VLDLR: variants seen among roughly 807,000 people sequenced by gnomAD.
The protein encoded by VLDLR is very low density lipoprotein receptor, also known as very low-density lipoprotein receptor.
VLDLR carries 81 observed loss-of-function variants against 112.7 expected under a neutral mutation model. The observed-to-expected ratio is 0.72, with a 90% CI of 0.60 to 0.86. The LOEUF (loss-of-function observed/expected upper bound fraction) is 0.86. VLDLR is among the 40% of genes least tolerant of loss of function. VLDLR has a pLI of 0.00. For missense variants in VLDLR, 1,237 were observed against 1,099.4 expected (o/e 1.13, Z -1.77); for synonymous variants, 436 against 384.8 (o/e 1.13, Z -1.56).
chr9:2,637,701 G>C (rs1002479109), intron 2 of VLDLR, among the ~76,000 whole-genome samples: 3 of 152,148 alleles, frequency 2.0e-5, no homozygotes, highest in African/African-American at 7.2e-5. Context: ...CAGCACTTTG[G>C]GCGGCCTAGG....
intron 1 of VLDLR, among the ~76,000 whole-genome samples, chr9:2,624,179 A>G (rs1202118666): frequency 6.6e-6 from 1 of 152,228 alleles, no homozygotes; most frequent in Non-Finnish European, 1.5e-5. Flanking sequence ...ACTTTGTCAC[A>G]TGTGAAATAT....
intron 13 of VLDLR, 135 bp downstream of exon 13, chr9:2,648,482 C>T (rs1386378241): frequency 7.3e-6 from 11 of 1,516,748 alleles, no homozygotes; most frequent in Non-Finnish European, 1.0e-5. Context: ...AAACCTGGTA[C>T]AAATCAGACA....
At position 2,654,712 on chromosome 9, in the gene VLDLR, T is replaced by G. The variant is rs1030201792; in HGVS notation, c.*844T>G. ...CTTAGTCTGTACCTAGAATTCCTCT[T>G]GGTTAGAGGAGTGAGTTTCTTTTTT... On this transcript the variant is annotated 3_prime_UTR_variant, in exon 19 of 19. Coordinates refer to ENST00000382100, the MANE Select transcript of VLDLR (RefSeq NM_003383.5). 1 of 151,586 alleles carries G rather than the reference T, an allele frequency of 6.6e-6. No individual in the cohort carries two copies. The allele number at this position is 151,586 out of a possible 1,614,324, so 9.4% of individuals were successfully genotyped here.
chr9:2,648,553 C>T, intron 13 of VLDLR, 116 bp from the exon 14 acceptor site: 2 of 1,554,660 alleles, frequency 1.3e-6, no homozygotes, highest in Non-Finnish European at 1.8e-6. Flanking sequence ...TATCCAGTGT[C>T]CCAGTTCAGC....
chr9:2,624,256 G>A (rs1469497801), intron 1 of VLDLR, among the ~76,000 whole-genome samples: 1 of 152,206 alleles, frequency 6.6e-6, no homozygotes, highest in African/African-American at 2.4e-5. Context: ...TTCCAGAACT[G>A]GAGGAAATTT....
Position 2,648,759 on chromosome 9 carries a change from C to T in VLDLR, c.2053C>T (p.Leu685=), listed in dbSNP as rs1382251366. 6.2e-7 allele frequency: 1 copy of T among 1,614,156 alleles called. No homozygotes were observed. Among genetic ancestry groups the T allele is most frequent in the African/African-American group, 1.3e-5 (1 of 75,030 alleles). Residue 685 remains leucine (L), a synonymous_variant, in exon 14 of 19, where the codon CTG becomes TTG. Coordinates refer to ENST00000382100, the MANE Select transcript of VLDLR (RefSeq NM_003383.5). ...AGAGCTAGCCACTCTAGTCAACAACCTGAATGATGCCCAAGACATCATTGT... is the reference window on the plus strand; with the variant it reads ...AGAGCTAGCCACTCTAGTCAACAACTTGAATGATGCCCAAGACATCATTGT... ...GSELATLVNN[L]NDAQDIIVYH...
chr9:2,633,023 T>A (rs1397189226), intron 1 of VLDLR, among the ~76,000 whole-genome samples: 1 of 144,324 alleles, frequency 6.9e-6, no homozygotes, highest in Non-Finnish European at 1.5e-5. Flanking sequence ...CTGTTGCTAC[T>A]CCTTATTGGA....
chr9:2,637,849 A>G (rs934601836), intron 2 of VLDLR, among the ~76,000 whole-genome samples: 1 of 152,210 alleles, frequency 6.6e-6, no homozygotes, highest in African/African-American at 2.4e-5. Context: ...AGGCTGAGGC[A>G]GGAGAATGGC....
In VLDLR at chr9:2,659,883, C is replaced by T. The variant is rs1473032331; in HGVS notation, c.*6015C>T. On this transcript the variant is annotated 3_prime_UTR_variant, in exon 19 of 19. Transcript: ENST00000382100. Reference sequence around the variant, plus strand: ...TTAAATGTCACTTGATACTAGAATGCGATTTAAAAGCATGTAATGCCTCAG... The same window carrying T: ...TTAAATGTCACTTGATACTAGAATGTGATTTAAAAGCATGTAATGCCTCAG... The T allele has an allele frequency of 2.0e-5, 3 of 152,130 alleles. No homozygotes were observed. Among genetic ancestry groups the T allele is most frequent in the Admixed American group, 6.5e-5 (1 of 15,278 alleles). 9.4% of individuals were successfully genotyped at this position (152,130 alleles called of 1,614,324 possible).
intron 2 of VLDLR, 69 bp downstream of exon 2, chr9:2,635,641 T>C: frequency 6.2e-7 from 1 of 1,605,854 alleles, no homozygotes; most frequent in South Asian, 1.1e-5. Context: ...GCAAATGTAT[T>C]GAGATTCTGA....
chr9:2,653,720 T>G lies in VLDLR; in HGVS notation c.2587-113T>G, dbSNP rs189451931. On this transcript the variant is annotated intron_variant, in intron 18 of 18. Coordinates refer to ENST00000382100, the MANE Select transcript of VLDLR (RefSeq NM_003383.5). ...TTTTGTATCTGACTGACTTTTCTTC[T>G]AAGCACTCTGAGTGTTTGAATGACC... The G allele has an allele frequency of 1.9e-3, 2,104 of 1,100,254 alleles. 40 individuals are homozygous for G. The African/African-American group carries it at 0.029, about 15-fold the overall frequency. 68.2% of individuals were successfully genotyped at this position (1,100,254 alleles called of 1,614,324 possible).
At position 2,641,286 on chromosome 9, in the gene VLDLR, T is replaced by G. The variant is rs188807817; in HGVS notation, c.326-91T>G. 5.6e-4 allele frequency: 898 copies of G among 1,595,000 alleles called. 4 individuals are homozygous for G. The highest frequency in any genetic ancestry group is 8.0e-4 in the Admixed American group (48 of 59,862). On this transcript the variant is annotated intron_variant, in intron 3 of 18. Coordinates refer to ENST00000382100, the MANE Select transcript of VLDLR (RefSeq NM_003383.5). Reference sequence around the variant, plus strand: ...TTCACCAGTGTGCCAGGCTACTGAGTCACAGGTATTAGCGCTTCCAGGCAG... The same window carrying G: ...TTCACCAGTGTGCCAGGCTACTGAGGCACAGGTATTAGCGCTTCCAGGCAG...
chr9:2,633,801 A>T (rs1817474567), intron 1 of VLDLR, among the ~76,000 whole-genome samples: 1 of 152,144 alleles, frequency 6.6e-6, no homozygotes, highest in Non-Finnish European at 1.5e-5. Flanking sequence ...CAAGACACGT[A>T]CCCTCAGCAT....
At chr9:2,634,704 C>A (rs1817524191) in intron 1 of VLDLR, among the ~76,000 whole-genome samples, 1 of 152,230 alleles carries the variant, frequency 6.6e-6, no homozygotes, top group East Asian at 1.9e-4. Flanking sequence ...GACAAATGAT[C>A]TTCCTTTCCC....
At chr9:2,652,746 T>A in intron 17 of VLDLR, 34 bp from the exon 18 acceptor site, 1 of 1,613,956 alleles carries the variant, frequency 6.2e-7, no homozygotes, top group Non-Finnish European at 8.5e-7. Context: ...AATACTAGAC[T>A]TAGCTCACTT....
chr9:2,647,874 G>A (rs751205826), intron 12 of VLDLR: 5 of 574,092 alleles, frequency 8.7e-6, no homozygotes, highest in African/African-American at 5.6e-5. Flanking sequence ...CTGGGCATGA[G>A]TGCCTTAGCA....
intron 11 of VLDLR, among the ~76,000 whole-genome samples, chr9:2,647,109 A>G (rs989157249): frequency 3.3e-5 from 5 of 151,974 alleles, no homozygotes; most frequent in East Asian, 1.9e-4. Context: ...TGTCATCACA[A>G]CTGGCCCCCG....
Position 2,652,892 on chromosome 9 carries a change from G to A in VLDLR, c.2529G>A (p.Glu843=). Residue 843 remains glutamate (E), a synonymous_variant, in exon 18 of 19, where the codon GAG becomes GAA. Coordinates refer to ENST00000382100, the MANE Select transcript of VLDLR (RefSeq NM_003383.5). ...DNPVYLKTTE[E]DLSIDIGRHS... Reference sequence around the variant, plus strand: ...CTGTGTACTTGAAAACCACTGAAGAGGACCTCTCCATAGACATTGGTAGAC... The same window carrying A: ...CTGTGTACTTGAAAACCACTGAAGAAGACCTCTCCATAGACATTGGTAGAC... 6.2e-7 allele frequency: 1 copy of A among 1,614,024 alleles called. No homozygotes were observed. The highest frequency in any genetic ancestry group is 8.5e-7 in the Non-Finnish European group (1 of 1,179,994).
Position 2,645,615 on chromosome 9 carries a change from A to G in VLDLR, c.1354A>G (p.Arg452Gly), listed in dbSNP as rs1179611595. ...SLIFTNRRDI[R>G]KIGLERKEYI... Reference sequence around the variant, plus strand: ...GATCTTCACTAATCGAAGAGACATCAGGAAGATTGGCTTAGAGAGGAAAGA... The same window carrying G: ...GATCTTCACTAATCGAAGAGACATCGGGAAGATTGGCTTAGAGAGGAAAGA... Residue 452 changes from arginine (R) to glycine (G), a missense_variant, in exon 10 of 19, where the codon AGG (arginine) becomes GGG (glycine). By Grantham distance (125) the Arg-to-Gly change is moderately radical (BLOSUM62 -2). Transcript: ENST00000382100. 2 of 1,614,126 alleles carry G rather than the reference A, an allele frequency of 1.2e-6. No individual in the cohort carries two copies. The highest frequency in any genetic ancestry group is 1.7e-6 in the Non-Finnish European group (2 of 1,180,050).
Sources: allele counts gnomAD v4.1 joint callset (sites outside exome capture counted in the v4.1 genomes callset), GRCh38; gene constraint gnomAD v4.1.1; transcripts MANE v1.5; gene names NCBI Gene and HGNC (gene_info 2026-07-23, HGNC 2026-07-21).